The following GRIK3 variants were observed in gnomAD, a reference collection of about 807,000 sequenced individuals.
The protein encoded by GRIK3 is glutamate receptor ionotropic, kainate 3.
In GRIK3, 29 loss-of-function variants were observed where a neutral mutation model predicts 102.5. The observed-to-expected ratio is 0.28, with a 90% CI of 0.21 to 0.39. The LOEUF (loss-of-function observed/expected upper bound fraction) is 0.39. Ranked by LOEUF, GRIK3 falls within the 10% of genes least tolerant of loss-of-function variation. The pLI, the probability that GRIK3 is intolerant of heterozygous loss-of-function variation, is 1.00. For synonymous variants in GRIK3, 511 were observed against 504.9 expected, an observed-to-expected ratio of 1.01 and a Z score of -0.16; for missense variants, 908 against 1,252.4, an observed-to-expected ratio of 0.73 and a Z score of 4.15.
At chr1:36,848,652 C>T (rs1303607674) in intron 9 of GRIK3, among the ~76,000 whole-genome samples, 2 of 151,616 alleles carry the variant, frequency 1.3e-5, no homozygotes, top group African/African-American at 4.8e-5. Flanking sequence ...TTATTTTGTT[C>T]TCTTTTTAAC....
intron 13 of GRIK3, among the ~76,000 whole-genome samples, chr1:36,814,519 C>G (rs1035103549): frequency 8.8e-5 from 12 of 135,614 alleles, no homozygotes; most frequent in South Asian, 2.8e-4. Context: ...ACCCCCCCCC[C>G]CCACACACAG....
At chr1:36,853,908 A>G (rs1640617077) in intron 7 of GRIK3, among the ~76,000 whole-genome samples, 186 bp from the exon 8 acceptor site, 1 of 152,154 alleles carries the variant, frequency 6.6e-6, no homozygotes. Context: ...CATAAATTCT[A>G]TTATGCTCTT....
At position 36,966,765 on chromosome 1, in the gene GRIK3, A is replaced by ACC. The variant is rs146412803; in HGVS notation, c.115+67227_115+67228dup. Among the ~76,000 whole-genome samples the ACC allele has an allele frequency of 2.7e-3, 405 of 150,888 alleles. 3 individuals carry two copies. Among genetic ancestry groups the ACC allele is most frequent in the African/African-American group, 9.1e-3 (375 of 41,046 alleles). On this transcript the variant is annotated intron_variant, in intron 1 of 15. Coordinates refer to ENST00000373091, the MANE Select transcript of GRIK3 (RefSeq NM_000831.4). ...AGAACCCTCTTCCAGGATACAGACC[A>ACC]CCCCCCCAACCCCTTGGCATTCTCA...
intron 1 of GRIK3, among the ~76,000 whole-genome samples, chr1:36,986,023 C>T (rs564341803): frequency 6.6e-6 from 1 of 151,950 alleles, no homozygotes; most frequent in African/African-American, 2.4e-5. Flanking sequence ...GAGACGAAAT[C>T]TCCCTGGAGC....
intron 1 of GRIK3, among the ~76,000 whole-genome samples, chr1:36,965,405 G>A (rs1475234489): frequency 6.6e-6 from 1 of 152,170 alleles, no homozygotes; most frequent in East Asian, 1.9e-4. Context: ...GGCCACACTC[G>A]CCAGCGAACA....
chr1:36,829,205 G>A (rs1403944659), intron 10 of GRIK3, among the ~76,000 whole-genome samples: 1 of 152,184 alleles, frequency 6.6e-6, no homozygotes, highest in Non-Finnish European at 1.5e-5. Context: ...AACTTCCCTT[G>A]AAAGATGGGA....
chr1:36,938,344 G>T (rs1641682526), intron 1 of GRIK3, among the ~76,000 whole-genome samples: 2 of 152,182 alleles, frequency 1.3e-5, no homozygotes, highest in South Asian at 4.1e-4. Flanking sequence ...AAAGCATGAG[G>T]GTGCTTTCAG....
rs748830001 is a variant in GRIK3, at chr1:36,850,224, G to A, written c.1326+87C>T. ...TACCTGCAGCCTCCATCTTCTGGGT[G>A]GGGGGGATAGAGGGGACTCTCCAGC... On this transcript the variant is annotated intron_variant, in intron 9 of 15. Transcript: ENST00000373091. This position sits in a 1 kb window ranked among gnomAD's most constrained non-coding sequence, Gnocchi z 4.0. 5 of 784,988 alleles carry A rather than the reference G, an allele frequency of 6.4e-6. No individual in the cohort carries two copies. Among genetic ancestry groups the A allele is most frequent in the East Asian group, 5.0e-5 (2 of 40,324 alleles). The allele number at this position is 784,988 out of a possible 1,614,324, so 48.6% of individuals were successfully genotyped here.
At chr1:36,924,792 G>A (rs1431637957) in intron 1 of GRIK3, among the ~76,000 whole-genome samples, 1 of 152,156 alleles carries the variant, frequency 6.6e-6, no homozygotes, top group Non-Finnish European at 1.5e-5. Flanking sequence ...GCAAACGCCT[G>A]GCTCTTGAGC....
chr1:36,990,261 C>T (rs892091829), intron 1 of GRIK3, among the ~76,000 whole-genome samples: 3 of 152,202 alleles, frequency 2.0e-5, no homozygotes, highest in Non-Finnish European at 2.9e-5. Flanking sequence ...CCCATCCACC[C>T]GACTGGGCAC....
intron 11 of GRIK3, among the ~76,000 whole-genome samples, chr1:36,824,012 C>G (rs573877196): frequency 6.6e-6 from 1 of 152,096 alleles, no homozygotes; most frequent in African/African-American, 2.4e-5. Flanking sequence ...CAAGTGCACT[C>G]TGATGCTCTT....
chr1:36,991,629 G>A (rs542015752), intron 1 of GRIK3, among the ~76,000 whole-genome samples: 2 of 152,332 alleles, frequency 1.3e-5, no homozygotes, highest in South Asian at 4.1e-4. Flanking sequence ...GCCAACTCAT[G>A]TCTCACTGAC....
intron 1 of GRIK3, among the ~76,000 whole-genome samples, chr1:36,951,794 G>A (rs1202914357): frequency 6.6e-6 from 1 of 152,074 alleles, no homozygotes; most frequent in Non-Finnish European, 1.5e-5. Flanking sequence ...ACGAGGAGGA[G>A]GGAGAGGAGA....
rs1642435651 is a variant in GRIK3, at chr1:36,801,149, A to G, written c.*702T>C. The G allele has an allele frequency of 6.6e-6, 1 of 152,220 alleles. No individual in the cohort carries two copies. The highest frequency in any genetic ancestry group is 6.5e-5 in the Admixed American group (1 of 15,284). 9.4% of individuals were successfully genotyped at this position (152,220 alleles called of 1,614,324 possible). A position where few individuals can be genotyped will look rare whatever the true frequency, so the allele number is the denominator to read the frequency against. On this transcript the variant is annotated 3_prime_UTR_variant, in exon 16 of 16. Coordinates refer to ENST00000373091, the MANE Select transcript of GRIK3 (RefSeq NM_000831.4). The stretch of plus-strand genomic sequence containing the variant: ...TTAGAGACCTCCTAGAGGATTAGGA[A>G]CCACTGGGTCATTGTCCATAAGAAT...
rs1466629891 is a variant in GRIK3, at chr1:36,805,074, A to G, written c.2478T>C (p.Ile826=). Residue 826 remains isoleucine, a synonymous_variant, in exon 15 of 16, where the codon ATT becomes ATC. Coordinates refer to ENST00000373091, the MANE Select transcript of GRIK3 (RefSeq NM_000831.4). ...LGIQKIGGIF[I]VLAAGLVLSV... ...AGAGGACCAGCCCGGCGGCCAGGAC[A>G]ATGAAGATGCCCCCGATCTTCTGGA... 2 of 1,614,060 alleles carry G rather than the reference A, an allele frequency of 1.2e-6. No individual in the cohort carries two copies. The highest frequency in any genetic ancestry group is 1.7e-6 in the Non-Finnish European group (2 of 1,180,034).
chr1:36,991,006 A>G (rs1642357758), intron 1 of GRIK3, among the ~76,000 whole-genome samples: 1 of 152,128 alleles, frequency 6.6e-6, no homozygotes, highest in Admixed American at 6.5e-5. Flanking sequence ...CTTCCCCACA[A>G]CTGCTCCTTC....
At chr1:37,006,824 G>C (rs368662862) in intron 1 of GRIK3, among the ~76,000 whole-genome samples, 1 of 152,336 alleles carries the variant, frequency 6.6e-6, no homozygotes, top group East Asian at 1.9e-4. Context: ...CCTTAGGAGG[G>C]GGGTACAATT....
intron 1 of GRIK3, among the ~76,000 whole-genome samples, chr1:36,953,871 G>C (rs1641873815): frequency 6.6e-6 from 1 of 152,154 alleles, no homozygotes; most frequent in Non-Finnish European, 1.5e-5. Flanking sequence ...GAAGCACAGA[G>C]GGGGCCCTCA....
At chr1:37,015,349 T>C (rs1642642506) in intron 1 of GRIK3, among the ~76,000 whole-genome samples, 1 of 152,180 alleles carries the variant, frequency 6.6e-6, no homozygotes, top group South Asian at 2.1e-4. Flanking sequence ...CCTTATTTTA[T>C]CCAGAACTTA....
Sources: allele counts gnomAD v4.1 joint callset (sites outside exome capture counted in the v4.1 genomes callset), GRCh38; gene constraint gnomAD v4.1.1; non-coding constraint Gnocchi (gnomAD v3.1); transcripts MANE v1.5; gene names NCBI Gene and HGNC (gene_info 2026-07-23, HGNC 2026-07-21).